The following ZNF407 variants were observed in gnomAD, a reference collection of about 807,000 sequenced individuals.
The protein encoded by ZNF407 is zinc finger protein 407.
A neutral mutation model predicts 131.2 loss-of-function variants in ZNF407; 17 were observed. The ratio of observed to expected loss-of-function variants is 0.13; its 90% CI spans 0.09 to 0.19. ZNF407 has a LOEUF of 0.19. Ranked by LOEUF, ZNF407 falls within the 10% of genes least tolerant of loss-of-function variation. The pLI is 1.00. For synonymous variants in ZNF407, 1,156 were observed against 1,062.0 expected, an observed-to-expected ratio of 1.09 and a Z score of -1.72; for missense variants, 2,681 against 2,830.6, an observed-to-expected ratio of 0.95 and a Z score of 1.20.
At chr18:75,036,055 T>C (rs1973304735) in intron 8 of ZNF407, among the ~76,000 whole-genome samples, 1 of 152,072 alleles carries the variant, frequency 6.6e-6, no homozygotes, top group Non-Finnish European at 1.5e-5. Flanking sequence ...ATAACGTGTC[T>C]TTTTTTTCTC....
intron 1 of ZNF407, among the ~76,000 whole-genome samples, chr18:74,616,647 C>CT (rs1161184609): frequency 2.6e-5 from 4 of 151,812 alleles, no homozygotes; most frequent in Non-Finnish European, 4.4e-5. Context: ...TCTAGGACAC[C>CT]TGTATAACCT....
chr18:74,608,855 G>A (rs1362327933), intron 1 of ZNF407, among the ~76,000 whole-genome samples: 1 of 152,162 alleles, frequency 6.6e-6, no homozygotes, highest in Non-Finnish European at 1.5e-5. Context: ...ATATAGATAT[G>A]TCTTCTTCTG....
chr18:74,976,714 A>C (rs971117564), intron 8 of ZNF407, among the ~76,000 whole-genome samples: 1 of 152,116 alleles, frequency 6.6e-6, no homozygotes, highest in Non-Finnish European at 1.5e-5. Context: ...GTAATCTCTC[A>C]CTGAGGCCCA....
At chr18:74,804,887 T>C (rs189502936) in intron 4 of ZNF407, among the ~76,000 whole-genome samples, 1 of 152,364 alleles carries the variant, frequency 6.6e-6, no homozygotes, top group Admixed American at 6.5e-5. Flanking sequence ...AGGATCTGGC[T>C]GTGACAGTTT....
chr18:74,774,169 C>G (rs1013274196), intron 3 of ZNF407, among the ~76,000 whole-genome samples: 2 of 152,022 alleles, frequency 1.3e-5, no homozygotes, highest in African/African-American at 2.4e-5. Context: ...AGATAAAGTG[C>G]TTTAGAAAGA....
At chr18:75,051,743 G>A (rs1244008800) in intron 8 of ZNF407, among the ~76,000 whole-genome samples, 2 of 152,086 alleles carry the variant, frequency 1.3e-5, no homozygotes, top group Non-Finnish European at 2.9e-5. Context: ...ATTGTGTGTC[G>A]GGACTTATTC....
chr18:74,672,187 C>A (rs539413354), intron 3 of ZNF407, among the ~76,000 whole-genome samples: 1 of 152,156 alleles, frequency 6.6e-6, no homozygotes, highest in African/African-American at 2.4e-5. Context: ...ATAAGTATTC[C>A]TTTTTCTCTG....
At chr18:74,878,147 T>G (rs966653164) in intron 5 of ZNF407, among the ~76,000 whole-genome samples, 1 of 152,136 alleles carries the variant, frequency 6.6e-6, no homozygotes, top group Non-Finnish European at 1.5e-5. Context: ...TTTTATAGTC[T>G]AAGTCTAGTG....
intron 8 of ZNF407, among the ~76,000 whole-genome samples, chr18:74,980,251 C>T (rs1441032099): frequency 7.0e-6 from 1 of 143,520 alleles, no homozygotes; most frequent in Non-Finnish European, 1.5e-5. Flanking sequence ...ACCCCTTCCC[C>T]ATGCTTTTTT....
chr18:74,770,373 G>A, intron 3 of ZNF407, among the ~76,000 whole-genome samples: 1 of 152,022 alleles, frequency 6.6e-6, no homozygotes. Context: ...AGTCAGCCTG[G>A]GTAACAGAGG....
At chr18:74,983,563 G>A (rs537056581) in intron 8 of ZNF407, among the ~76,000 whole-genome samples, 3 of 152,190 alleles carry the variant, frequency 2.0e-5, no homozygotes, top group East Asian at 1.9e-4. Flanking sequence ...TGAGTCAGTC[G>A]GTCTTTGGGT....
At chr18:74,845,083 C>T (rs1599192143) in intron 4 of ZNF407, among the ~76,000 whole-genome samples, 1 of 152,274 alleles carries the variant, frequency 6.6e-6, no homozygotes, top group East Asian at 1.9e-4. Flanking sequence ...CTTCAGGGTG[C>T]CCGGCTTGAA....
At chr18:74,647,692 C>T (rs529520055) in intron 3 of ZNF407, among the ~76,000 whole-genome samples, 2 of 152,122 alleles carry the variant, frequency 1.3e-5, no homozygotes, top group Non-Finnish European at 2.9e-5. Context: ...GGCATAACTG[C>T]TGATTTATTA....
intron 4 of ZNF407, among the ~76,000 whole-genome samples, chr18:74,833,848 C>G (rs1568234755): frequency 6.6e-6 from 1 of 152,076 alleles, no homozygotes; most frequent in Non-Finnish European, 1.5e-5. Flanking sequence ...ACCAAGATGG[C>G]AAGGCTGGGG....
intron 3 of ZNF407, among the ~76,000 whole-genome samples, chr18:74,664,298 G>A (rs1310061123): frequency 3.3e-5 from 5 of 152,198 alleles, no homozygotes; most frequent in Non-Finnish European, 7.3e-5. Context: ...TCAGGAGCTC[G>A]AGGCCAGCCT....
chr18:74,790,092 T>C (rs1350684269), intron 4 of ZNF407, among the ~76,000 whole-genome samples: 2 of 152,144 alleles, frequency 1.3e-5, no homozygotes, highest in African/African-American at 4.8e-5. Flanking sequence ...CATGTTAATA[T>C]ATGGTTAGAT....
intron 3 of ZNF407, among the ~76,000 whole-genome samples, chr18:74,695,348 C>A (rs17055426): frequency 0.059 from 9,000 of 152,200 alleles, 346 homozygotes; most frequent in East Asian, 0.1. Flanking sequence ...TCGTTCTTCT[C>A]GTAGTCAGGA....
Position 74,839,011 on chromosome 18 carries a change from G to GA in ZNF407, c.4878-38177dup, listed in dbSNP as rs141754156. ...AGACTGTCTGCAAAGTTGGAGTTGA[G>GA]AAAAAAAAATACATATATCTCTAAA... is the stretch of plus-strand genomic sequence containing the variant. On this transcript the variant is annotated intron_variant, in intron 4 of 8. Coordinates refer to ENST00000299687, the MANE Select transcript of ZNF407 (RefSeq NM_017757.3). Among the ~76,000 whole-genome samples the GA allele has an allele frequency of 1.8e-3, 267 of 149,970 alleles. 3 individuals are homozygous for GA. The highest frequency in any genetic ancestry group is 5.9e-3 in the African/African-American group (240 of 40,968).
At chr18:74,916,543 C>T (rs1224473417) in intron 7 of ZNF407, among the ~76,000 whole-genome samples, 3 of 86,252 alleles carry the variant, frequency 3.5e-5, no homozygotes, top group South Asian at 9.1e-4. Flanking sequence ...AGCATTGGTT[C>T]GAATCGGGAG....
Sources: allele counts gnomAD v4.1 joint callset (sites outside exome capture counted in the v4.1 genomes callset), GRCh38; gene constraint gnomAD v4.1.1; transcripts MANE v1.5; gene names NCBI Gene and HGNC (gene_info 2026-07-23, HGNC 2026-07-21).